Variants in CTNNA3 observed in about 807,000 individuals in gnomAD.
CTNNA3 encodes catenin alpha-3.
A neutral mutation model predicts 95.7 loss-of-function variants in CTNNA3; 76 were observed. That is an observed-to-expected ratio of 0.79 (90% CI 0.66 to 0.96). CTNNA3 has a LOEUF of 0.96. Ranked by LOEUF, CTNNA3 falls within the 40% of genes least tolerant of loss-of-function variation. The pLI, the probability that CTNNA3 is intolerant of heterozygous loss-of-function variation, is 0.00. For synonymous variants in CTNNA3, 431 were observed against 374.4 expected (o/e 1.15, Z -1.74); for missense variants, 1,191 against 1,089.8 (o/e 1.09, Z -1.31).
intron 9 of CTNNA3, among the ~76,000 whole-genome samples, chr10:66,713,731 A>G (rs1848366667): frequency 6.6e-6 from 1 of 152,052 alleles, no homozygotes; most frequent in African/African-American, 2.4e-5. Context: ...ATCATATCTG[A>G]ATCAGCATTT....
chr10:67,324,390 T>C (rs1436245266), intron 5 of CTNNA3, among the ~76,000 whole-genome samples: 2 of 152,186 alleles, frequency 1.3e-5, no homozygotes, highest in African/African-American at 2.4e-5. Flanking sequence ...TAGATGGCTC[T>C]TATTAATTTA....
intron 3 of CTNNA3, among the ~76,000 whole-genome samples, chr10:67,550,157 G>A (rs1840973887): frequency 6.6e-6 from 1 of 152,120 alleles, no homozygotes; most frequent in Non-Finnish European, 1.5e-5. Context: ...ACAACATAAA[G>A]TTGAGTTTAT....
intron 15 of CTNNA3, among the ~76,000 whole-genome samples, chr10:66,060,370 A>G (rs2133568001): frequency 6.6e-6 from 1 of 152,236 alleles, no homozygotes; most frequent in East Asian, 1.9e-4. Context: ...CCAGGTTAAG[A>G]TGGCAAACTG....
chr10:67,211,306 T>G (rs1589869160), intron 6 of CTNNA3, among the ~76,000 whole-genome samples: 1 of 150,668 alleles, frequency 6.6e-6, no homozygotes, highest in Non-Finnish European at 1.5e-5. Flanking sequence ...GCTGCCAGAG[T>G]TTTCTCCAAG....
intron 13 of CTNNA3, among the ~76,000 whole-genome samples, chr10:66,140,868 T>G (rs2083578588): frequency 6.6e-6 from 1 of 152,210 alleles, no homozygotes; most frequent in Non-Finnish European, 1.5e-5. Flanking sequence ...TATGTTTTTA[T>G]TTAAGAGATT....
intron 11 of CTNNA3, among the ~76,000 whole-genome samples, chr10:66,400,746 T>C (rs2132557841): frequency 6.6e-6 from 1 of 152,268 alleles, no homozygotes; most frequent in Middle Eastern, 3.4e-3. Flanking sequence ...GATAGATAGC[T>C]ATATCTATCA....
chr10:67,143,987 C>T (rs1306264710), intron 7 of CTNNA3, among the ~76,000 whole-genome samples: 1 of 152,202 alleles, frequency 6.6e-6, no homozygotes, highest in Non-Finnish European at 1.5e-5. Context: ...TATCGCCTTA[C>T]AAAATGTATT....
chr10:67,243,988 G>A (rs7070725), intron 5 of CTNNA3, among the ~76,000 whole-genome samples: 70,475 of 152,024 alleles, frequency 0.46, 20,623 homozygotes, highest in African/African-American at 0.84. Flanking sequence ...CCAATGAATT[G>A]ATAACACCTC....
intron 5 of CTNNA3, among the ~76,000 whole-genome samples, chr10:67,459,366 G>A (rs562822031): frequency 6.6e-6 from 1 of 152,264 alleles, no homozygotes; most frequent in Non-Finnish European, 1.5e-5. Flanking sequence ...GTGGGGATGG[G>A]GTAGGATAAT....
chr10:67,700,901 C>A (rs1841033738), upstream of CTNNA3, among the ~76,000 whole-genome samples: 3 of 152,186 alleles, frequency 2.0e-5, no homozygotes, highest in South Asian at 4.1e-4. Flanking sequence ...GAATATATAA[C>A]TAGAATAACC....
intron 5 of CTNNA3, among the ~76,000 whole-genome samples, chr10:67,395,415 G>A (rs1029940664): frequency 6.6e-6 from 1 of 152,112 alleles, no homozygotes; most frequent in African/African-American, 2.4e-5. Context: ...CCAAATGATG[G>A]CAAGGAACAC....
intron 12 of CTNNA3, among the ~76,000 whole-genome samples, chr10:66,377,109 A>C (rs1459700214): frequency 6.6e-6 from 1 of 152,168 alleles, no homozygotes; most frequent in East Asian, 1.9e-4. Flanking sequence ...TATTTGGAGA[A>C]TAGTTTGGAA....
intron 11 of CTNNA3, among the ~76,000 whole-genome samples, chr10:66,506,113 C>T (rs189280199): frequency 6.6e-6 from 1 of 152,200 alleles, no homozygotes; most frequent in Non-Finnish European, 1.5e-5. Flanking sequence ...GTGCCAGGCT[C>T]TTTCAAATAA....
intron 9 of CTNNA3, among the ~76,000 whole-genome samples, chr10:66,664,292 T>A (rs1006711089): frequency 2.6e-5 from 4 of 152,136 alleles, no homozygotes; most frequent in Non-Finnish European, 4.4e-5. Context: ...AAATAGTTTT[T>A]TTAAAAAGTG....
At chr10:67,178,166 C>T (rs912318050) in intron 7 of CTNNA3, among the ~76,000 whole-genome samples, 1 of 152,100 alleles carries the variant, frequency 6.6e-6, no homozygotes, top group South Asian at 2.1e-4. Context: ...CCCTTTATTC[C>T]TTGTGGGGGC....
chr10:66,125,179 A>G (rs1050774326), intron 13 of CTNNA3, among the ~76,000 whole-genome samples: 1 of 152,144 alleles, frequency 6.6e-6, no homozygotes, highest in Non-Finnish European at 1.5e-5. Context: ...AACATCAGAG[A>G]AGCACTAAAT....
At chr10:67,543,592 TA>T (rs778515034) in intron 3 of CTNNA3, among the ~76,000 whole-genome samples, 6 of 152,080 alleles carry the variant, frequency 3.9e-5, no homozygotes, top group Non-Finnish European at 7.4e-5. Flanking sequence ...GTACTAAAGA[TA>T]AAAAACTTCC....
intron 6 of CTNNA3, among the ~76,000 whole-genome samples, chr10:67,187,865 T>A (rs1862933086): frequency 6.6e-6 from 1 of 152,118 alleles, no homozygotes; most frequent in Non-Finnish European, 1.5e-5. Context: ...GAATTATAGG[T>A]GTAAGCCACT....
intron 5 of CTNNA3, among the ~76,000 whole-genome samples, chr10:67,498,426 T>C (rs1839106723): frequency 2.6e-5 from 4 of 152,212 alleles, no homozygotes; most frequent in Admixed American, 1.3e-4. Flanking sequence ...AGCTCTTTTT[T>C]GGTTCTGTAT....
Sources: allele counts gnomAD v4.1 joint callset (sites outside exome capture counted in the v4.1 genomes callset), GRCh38; gene constraint gnomAD v4.1.1; transcripts MANE v1.5; gene names NCBI Gene and HGNC (gene_info 2026-07-23, HGNC 2026-07-21).